Variants in PACRG observed in about 807,000 individuals in gnomAD.
PACRG encodes the protein parkin coregulated.
A neutral mutation model predicts 29.7 loss-of-function variants in PACRG; 29 were observed. The observed-to-expected ratio is 0.98, with a 90% CI of 0.73 to 1.33. PACRG has a LOEUF of 1.33. Among genes scored for constraint, PACRG ranks in the 40% most tolerant of loss-of-function variants. PACRG has a pLI of 0.00. For synonymous variants in PACRG, 116 were observed against 118.7 expected (o/e 0.98, Z 0.15); for missense variants, 279 against 316.2 (o/e 0.88, Z 0.89).
At chr6:162,828,321 G>C (rs1180914517) in intron 2 of PACRG, among the ~76,000 whole-genome samples, 1 of 152,142 alleles carries the variant, frequency 6.6e-6, no homozygotes, top group Non-Finnish European at 1.5e-5. Context: ...CTGAAGAAAA[G>C]TGTTTGTTCA....
intron 2 of PACRG, among the ~76,000 whole-genome samples, chr6:163,052,248 A>G (rs1810093953): frequency 6.6e-6 from 1 of 152,208 alleles, no homozygotes; most frequent in Non-Finnish European, 1.5e-5. Context: ...TAGAAACGTC[A>G]CAATAAGTCT....
chr6:163,203,179 G>A (rs1312104483), intron 4 of PACRG, among the ~76,000 whole-genome samples: 3 of 152,176 alleles, frequency 2.0e-5, no homozygotes, highest in Non-Finnish European at 4.4e-5. Flanking sequence ...TTGAGAGGTT[G>A]AGGCAGGCAG....
chr6:162,992,000 T>G (rs1376815244), intron 2 of PACRG, among the ~76,000 whole-genome samples: 11 of 133,390 alleles, frequency 8.2e-5, no homozygotes, highest in African/African-American at 3.5e-4. Context: ...GAGATAATCA[T>G]GTGGTTTTTG....
Position 162,934,833 on chromosome 6 carries a change from C to T in PACRG, c.291+120552C>T, listed in dbSNP as rs576780872. On this transcript the variant is annotated intron_variant, in intron 2 of 4. Transcript: ENST00000366888. ...GATATCATCCTTTCACTCACACATG[C>T]AGGGTTCCCTTAAACATTTCTTGTA... 2.0e-3 allele frequency among the ~76,000 whole-genome samples: 305 copies of T among 152,280 alleles called. 1 individual carries two copies. The highest frequency in any genetic ancestry group is 3.4e-3 in the Non-Finnish European group (234 of 68,014).
chr6:162,794,144 AT>A (rs1785176935), intron 1 of PACRG, among the ~76,000 whole-genome samples: 1 of 152,032 alleles, frequency 6.6e-6, no homozygotes, highest in Admixed American at 6.6e-5. Context: ...CAGTACCAGA[AT>A]TTTTTTGTCA....
At chr6:162,996,743 A>T (rs1216441801) in intron 2 of PACRG, among the ~76,000 whole-genome samples, 1 of 152,220 alleles carries the variant, frequency 6.6e-6, no homozygotes, top group Non-Finnish European at 1.5e-5. Context: ...TATTAACAGT[A>T]ACTGTCTCAA....
chr6:163,148,366 G>A (rs936701681), intron 4 of PACRG, among the ~76,000 whole-genome samples: 1 of 152,088 alleles, frequency 6.6e-6, no homozygotes, highest in African/African-American at 2.4e-5. Context: ...ATATACAAAG[G>A]GATCCAATGC....
At chr6:162,998,118 G>A (rs1013548418) in intron 2 of PACRG, among the ~76,000 whole-genome samples, 1 of 152,194 alleles carries the variant, frequency 6.6e-6, no homozygotes, top group Non-Finnish European at 1.5e-5. Flanking sequence ...ACTCTGTTCC[G>A]CTGGTAGTGC....
intron 4 of PACRG, among the ~76,000 whole-genome samples, chr6:163,100,544 G>A (rs929703208): frequency 3.9e-5 from 6 of 152,156 alleles, no homozygotes; most frequent in African/African-American, 1.4e-4. Context: ...CGCGTGGCCA[G>A]TTCCCCGCGA....
chr6:163,123,251 C>T (rs927721877), intron 4 of PACRG, among the ~76,000 whole-genome samples: 2 of 152,174 alleles, frequency 1.3e-5, no homozygotes, highest in Non-Finnish European at 2.9e-5. Flanking sequence ...TATGCAAATG[C>T]GGGTCGGCAT....
intron 4 of PACRG, among the ~76,000 whole-genome samples, chr6:163,202,362 A>G (rs1404156963): frequency 6.6e-6 from 1 of 152,118 alleles, no homozygotes; most frequent in Non-Finnish European, 1.5e-5. Flanking sequence ...ATATATGTAT[A>G]TACTGTTTGT....
upstream of PACRG, chr6:162,727,767 C>G (rs1779377070): frequency 4.0e-6 from 5 of 1,260,312 alleles, no homozygotes; most frequent in Admixed American, 4.1e-5. Context: ...GTTAAATCCT[C>G]CAGGCCTCCC....
chr6:162,895,271 C>CAAAAAAAAA (rs35275122), intron 2 of PACRG, among the ~76,000 whole-genome samples: 1 of 93,580 alleles, frequency 1.1e-5, no homozygotes. Flanking sequence ...CCCTCTCTCT[C>CAAAAAAAAA]AAAAAAAAAA....
At chr6:162,782,322 G>A (rs1784153854) in intron 1 of PACRG, among the ~76,000 whole-genome samples, 1 of 151,818 alleles carries the variant, frequency 6.6e-6, no homozygotes, top group African/African-American at 2.4e-5. Context: ...GGAACAAGTA[G>A]ATAGAAACTT....
At position 163,107,554 on chromosome 6, in the gene PACRG, A is replaced by G. The variant is rs113607800; in HGVS notation, c.613+18146A>G. Among the ~76,000 whole-genome samples the G allele has an allele frequency of 5.1e-3, 776 of 152,310 alleles. 12 individuals carry two copies. Among genetic ancestry groups the G allele is most frequent in the African/African-American group, 0.017 (726 of 41,554 alleles). Reference sequence around the variant, plus strand: ...ATACTGTTTTGCAACAGCTTAACTAATACAATTTCAATATTTAACCAAAAT... The same window carrying G: ...ATACTGTTTTGCAACAGCTTAACTAGTACAATTTCAATATTTAACCAAAAT... On this transcript the variant is annotated intron_variant, in intron 4 of 4. Transcript: ENST00000366888.
intron 4 of PACRG, among the ~76,000 whole-genome samples, chr6:163,218,519 A>G (rs1781454578): frequency 6.6e-6 from 1 of 151,992 alleles, no homozygotes; most frequent in Non-Finnish European, 1.5e-5. Flanking sequence ...CCCCTCTGCA[A>G]CCCACTCCAG....
intron 2 of PACRG, among the ~76,000 whole-genome samples, chr6:162,926,328 A>G (rs1220434268): frequency 6.6e-6 from 1 of 152,160 alleles, no homozygotes; most frequent in Non-Finnish European, 1.5e-5. Context: ...TATGGAAACA[A>G]GAGCCCATAT....
At chr6:162,978,923 G>A (rs771886124) in intron 2 of PACRG, among the ~76,000 whole-genome samples, 8 of 152,092 alleles carry the variant, frequency 5.3e-5, no homozygotes, top group Non-Finnish European at 7.4e-5. Flanking sequence ...CACTTTTCCC[G>A]GATAAAGGTA....
intron 2 of PACRG, among the ~76,000 whole-genome samples, chr6:162,982,835 T>C (rs1385448187): frequency 2.6e-5 from 4 of 152,054 alleles, no homozygotes; most frequent in East Asian, 3.9e-4. Context: ...TTATAAGATA[T>C]AGTTTAAGTC....
Sources: gnomAD v4.1 joint callset for allele counts (sites outside exome capture counted in the v4.1 genomes callset) on GRCh38, gnomAD v4.1.1 for gene constraint, MANE v1.5 for transcripts, NCBI Gene and HGNC (gene_info 2026-07-23, HGNC 2026-07-21) for gene names.